NRXN3: variants seen among roughly 807,000 people sequenced by gnomAD.
NRXN3 encodes the protein neurexin III.
NRXN3 carries 32 observed loss-of-function variants against 137.6 expected under a neutral mutation model. The ratio of observed to expected loss-of-function variants is 0.23; its 90% CI spans 0.18 to 0.31. NRXN3 has a LOEUF of 0.31. Ranked by LOEUF, NRXN3 falls within the 10% of genes least tolerant of loss-of-function variation. The probability of loss-of-function intolerance (pLI) is 1.00; values close to 1 mark genes in which losing one functional copy is unlikely to be tolerated. For synonymous variants in NRXN3, 798 were observed against 784.5 expected (o/e 1.02, Z -0.29); for missense variants, 1,574 against 2,062.5 (o/e 0.76, Z 4.59).
intron 16 of NRXN3, among the ~76,000 whole-genome samples, chr14:79,513,900 A>G (rs2096956756): frequency 6.6e-6 from 1 of 152,168 alleles, no homozygotes; most frequent in Non-Finnish European, 1.5e-5. Context: ...TTATAAGTTT[A>G]ATGTTGTTCA....
At chr14:79,779,633 A>G (rs1603484860) in intron 19 of NRXN3, among the ~76,000 whole-genome samples, 1 of 151,992 alleles carries the variant, frequency 6.6e-6, no homozygotes, top group Admixed American at 6.6e-5. Flanking sequence ...TATTTCTTAG[A>G]CCTATGTCAC....
At chr14:79,328,522 C>T (rs1443483883) in intron 15 of NRXN3, among the ~76,000 whole-genome samples, 1 of 152,176 alleles carries the variant, frequency 6.6e-6, no homozygotes, top group African/African-American at 2.4e-5. Context: ...TAACGAAGTG[C>T]CATGAGAAGT....
intron 8 of NRXN3, among the ~76,000 whole-genome samples, chr14:78,783,746 T>C (rs1449077868): frequency 6.6e-6 from 1 of 151,364 alleles, no homozygotes; most frequent in Non-Finnish European, 1.5e-5. Context: ...ATTGAGAGAG[T>C]CAAATATGTA....
intron 16 of NRXN3, among the ~76,000 whole-genome samples, chr14:79,622,796 C>T (rs971410831): frequency 2.0e-5 from 3 of 152,088 alleles, no homozygotes; most frequent in African/African-American, 4.8e-5. Context: ...TGGGGTTTCA[C>T]CGTGTTAGCC....
At chr14:78,418,089 C>T (rs531814350) in intron 4 of NRXN3, among the ~76,000 whole-genome samples, 5 of 152,256 alleles carry the variant, frequency 3.3e-5, no homozygotes, top group African/African-American at 9.6e-5. Flanking sequence ...AATTAGTGTG[C>T]ATGTTCTCCA....
At chr14:78,862,427 TA>T (rs1372064556) in intron 10 of NRXN3, among the ~76,000 whole-genome samples, 4 of 152,066 alleles carry the variant, frequency 2.6e-5, no homozygotes, top group African/African-American at 9.7e-5. Context: ...AAATTTAGCT[TA>T]AGGTTAGTAA....
At chr14:78,715,854 C>G (rs191666472) in intron 8 of NRXN3, among the ~76,000 whole-genome samples, 1 of 151,616 alleles carries the variant, frequency 6.6e-6, no homozygotes, top group Non-Finnish European at 1.5e-5. Flanking sequence ...TTATTATAGT[C>G]ATAATTATTC....
At chr14:78,882,259 G>T (rs1261925872) in intron 10 of NRXN3, among the ~76,000 whole-genome samples, 1 of 151,728 alleles carries the variant, frequency 6.6e-6, no homozygotes, top group African/African-American at 2.4e-5. Context: ...GCCCCCACAC[G>T]GAGTCCCTAC....
At chr14:79,046,833 T>C (rs2099633848) in intron 15 of NRXN3, among the ~76,000 whole-genome samples, 1 of 152,248 alleles carries the variant, frequency 6.6e-6, no homozygotes, top group Non-Finnish European at 1.5e-5. Context: ...CATTCTACTT[T>C]GAACCAGGTT....
chr14:78,777,607 T>C (rs542116256), intron 8 of NRXN3, among the ~76,000 whole-genome samples: 2 of 152,272 alleles, frequency 1.3e-5, no homozygotes, highest in Admixed American at 1.3e-4. Flanking sequence ...TGCCCCTCTA[T>C]TATATACTGA....
chr14:79,440,859 G>T (rs895696880), intron 15 of NRXN3, among the ~76,000 whole-genome samples: 1 of 152,064 alleles, frequency 6.6e-6, no homozygotes, highest in African/African-American at 2.4e-5. Context: ...AGCTTAGATG[G>T]CTCTAGTTCT....
intron 17 of NRXN3, among the ~76,000 whole-genome samples, chr14:79,675,889 C>A (rs530679467): frequency 8.5e-5 from 13 of 152,158 alleles, no homozygotes; most frequent in South Asian, 6.2e-4. Flanking sequence ...TTTAAATACA[C>A]CCCTCTCTCC....
chr14:78,325,523 T>G (rs1161962596), intron 4 of NRXN3, among the ~76,000 whole-genome samples: 1 of 152,174 alleles, frequency 6.6e-6, no homozygotes, highest in Admixed American at 6.5e-5. Context: ...ATATGGTAAG[T>G]GCTTGATAGA....
At chr14:78,513,474 A>G (rs781202549) in intron 4 of NRXN3, among the ~76,000 whole-genome samples, 2 of 152,126 alleles carry the variant, frequency 1.3e-5, no homozygotes, top group Non-Finnish European at 1.5e-5. Flanking sequence ...ATCCTATCCC[A>G]TGTTTGCATT....
intron 20 of NRXN3, among the ~76,000 whole-genome samples, chr14:79,831,895 C>T (rs892935797): frequency 6.6e-6 from 1 of 152,028 alleles, no homozygotes; most frequent in Non-Finnish European, 1.5e-5. Flanking sequence ...TGTGAGCCCC[C>T]CACGTTTATC....
chr14:79,839,165 C>T (rs2099350425), intron 20 of NRXN3, among the ~76,000 whole-genome samples: 1 of 151,682 alleles, frequency 6.6e-6, no homozygotes, highest in African/African-American at 2.4e-5. Flanking sequence ...GTAAAGGGCC[C>T]CTTCTGCTTG....
chr14:78,352,832 G>C (rs2083732717), intron 4 of NRXN3, among the ~76,000 whole-genome samples: 1 of 152,196 alleles, frequency 6.6e-6, no homozygotes, highest in Non-Finnish European at 1.5e-5. Flanking sequence ...CATCAGGAAG[G>C]CTCTGCAAAG....
chr14:78,366,315 T>G (rs1414322220), intron 4 of NRXN3, among the ~76,000 whole-genome samples: 1 of 152,214 alleles, frequency 6.6e-6, no homozygotes, highest in African/African-American at 2.4e-5. Context: ...GAGAGAGCTT[T>G]CTGTCTCTGT....
intron 8 of NRXN3, among the ~76,000 whole-genome samples, chr14:78,746,446 G>C (rs1436365239): frequency 6.6e-6 from 1 of 152,118 alleles, no homozygotes; most frequent in Non-Finnish European, 1.5e-5. Context: ...TCTTACAATG[G>C]AGCTATTCTG....
Sources: gnomAD v4.1 joint callset for allele counts (sites outside exome capture counted in the v4.1 genomes callset) on GRCh38, gnomAD v4.1.1 for gene constraint, MANE v1.5 for transcripts, NCBI Gene and HGNC (gene_info 2026-07-23, HGNC 2026-07-21) for gene names.